The following BRCA1 variants were observed in gnomAD, a reference collection of about 807,000 sequenced individuals.
The protein encoded by BRCA1 is breast cancer type 1 susceptibility protein.
BRCA1 carries 140 observed loss-of-function variants against 173.7 expected under a neutral mutation model. The observed-to-expected ratio is 0.81, with a 90% CI of 0.70 to 0.93. The LOEUF (loss-of-function observed/expected upper bound fraction) is 0.93, where lower values mean the gene tolerates loss of function less well. Ranked by LOEUF, BRCA1 falls within the 40% of genes least tolerant of loss-of-function variation. BRCA1 has a pLI of 0.00. For missense variants in BRCA1, 1,983 were observed against 2,172.5 expected (o/e 0.91, Z 1.73); for synonymous variants, 662 against 756.0 (o/e 0.88, Z 2.04).
chr17:43,106,665 T>A (rs201546026), intron 3 of BRCA1, 132 bp from the exon 4 acceptor site: 8 of 675,230 alleles, frequency 1.2e-5, no homozygotes, highest in Admixed American at 8.4e-5. Context: ...TAATGGCAGG[T>A]GAATTACAAG....
In BRCA1 at chr17:43,068,206, A is replaced by G. The variant is rs8176231; in HGVS notation, c.4987-511T>C. Among the ~76,000 whole-genome samples, 47,831 of 151,012 alleles carry G rather than the reference A, an allele frequency of 0.32. 7,915 individuals carry two copies. Among genetic ancestry groups the G allele is most frequent in the South Asian group, 0.49 (2,329 of 4,766 alleles). ...GCAGGAGAATGGCGTGAACCCAGGA[A>G]GCAGAGCTTGCAGTAAGCCGAGATG... is the stretch of plus-strand genomic sequence containing the variant. On this transcript the variant is annotated intron_variant, in intron 15 of 22. Coordinates refer to ENST00000357654, the MANE Select transcript of BRCA1 (RefSeq NM_007294.4).
At chr17:43,104,727 TA>T in intron 5 of BRCA1, 140 bp downstream of exon 5, 1 of 755,140 alleles carries the variant, frequency 1.3e-6, no homozygotes, top group South Asian at 1.5e-5. Context: ...AGTAATTTTT[TA>T]AAAATAGATT....
Position 43,092,890 on chromosome 17 carries a change from C to G in BRCA1, c.2641G>C (p.Glu881Gln). The G allele has an allele frequency of 6.2e-7, 1 of 1,613,904 alleles. No homozygotes were observed. Among genetic ancestry groups the G allele is most frequent in the South Asian group, 1.1e-5 (1 of 91,080 alleles). ...GAGTGGGCAGAGAATGTTGCACATTCCTCTTCTGCATTTCCTGGATTTGAA... is the reference window on the plus strand; with the variant it reads ...GAGTGGGCAGAGAATGTTGCACATTGCTCTTCTGCATTTCCTGGATTTGAA... Reference protein sequence around the residue: ...PFSNPGNAEEECATFSAHSGS... With the variant: ...PFSNPGNAEEQCATFSAHSGS... The change falls in exon 10 of 23, where the codon GAA becomes CAA. Residue 881 changes from glutamate to glutamine, a missense_variant. By Grantham distance (29) the Glu-to-Gln change is conservative. Transcript: ENST00000357654.
chr17:43,148,325 G>T (rs1321333648), intron 1 of BRCA1: 3 of 167,158 alleles, frequency 1.8e-5, no homozygotes, highest in African/African-American at 4.8e-5. Context: ...TATTTACCTT[G>T]AGTGTTATGC....
At chr17:43,159,053 T>C (rs1180832678) in intron 1 of BRCA1, among the ~76,000 whole-genome samples, 1 of 152,076 alleles carries the variant, frequency 6.6e-6, no homozygotes. Flanking sequence ...GTGGCCAACA[T>C]GGCAAAACCC....
At chr17:43,049,961 C>G in intron 20 of BRCA1, 1 of 397,880 alleles carries the variant, frequency 2.5e-6, no homozygotes. Context: ...CTGGTTTCCA[C>G]TATACCAAAG....
chr17:43,048,038 C>T (rs1450303347), intron 21 of BRCA1, among the ~76,000 whole-genome samples: 2 of 152,108 alleles, frequency 1.3e-5, no homozygotes, highest in Non-Finnish European at 1.5e-5. Context: ...AGGCATGAGC[C>T]ACCGCACCCA....
chr17:43,076,405 T>A (rs1315066308), intron 13 of BRCA1, 83 bp downstream of exon 13: 2 of 1,540,600 alleles, frequency 1.3e-6, no homozygotes, highest in Non-Finnish European at 1.8e-6. Context: ...CTGGAGAAAG[T>A]ATGGTGAAAA....
chr17:43,125,126 G>T (rs2154579730), intron 1 of BRCA1, 145 bp downstream of exon 1: 1 of 415,540 alleles, frequency 2.4e-6, no homozygotes, highest in Non-Finnish European at 4.8e-6. Context: ...CCCTCCCCAG[G>T]GTTCACAACG....
intron 3 of BRCA1, among the ~76,000 whole-genome samples, chr17:43,111,862 A>AT (rs946995440): frequency 1.3e-5 from 2 of 152,086 alleles, no homozygotes; most frequent in Non-Finnish European, 2.9e-5. Context: ...ACAAACAAAA[A>AT]TAAAAAAAAG....
intron 20 of BRCA1, 43 bp from the exon 21 acceptor site, chr17:43,049,237 A>G (rs1405607243): frequency 3.2e-6 from 5 of 1,577,446 alleles, no homozygotes. Context: ...AGTAATCTGC[A>G]TACTTAACCC....
At chr17:43,073,963 G>A (rs1369661184) in intron 14 of BRCA1, among the ~76,000 whole-genome samples, 1 of 151,944 alleles carries the variant, frequency 6.6e-6, no homozygotes, top group Non-Finnish European at 1.5e-5. Context: ...CACCATGTTG[G>A]CCAGACAGGT....
chr17:43,168,016 T>C (rs1240025306), intron 1 of BRCA1, among the ~76,000 whole-genome samples: 1 of 152,176 alleles, frequency 6.6e-6, no homozygotes, highest in African/African-American at 2.4e-5. Context: ...TTCTATACTT[T>C]TAAAGTTCTT....
At chr17:43,057,275 T>A in intron 18 of BRCA1, 140 bp from the exon 19 acceptor site, 1 of 784,918 alleles carries the variant, frequency 1.3e-6, no homozygotes, top group Non-Finnish European at 2.3e-6. Flanking sequence ...TTTGGGAGAC[T>A]GAGGCAGGCA....
rs1555575074 is a variant in BRCA1 at position 43,049,115 on chromosome 17, A to T, written c.5406+6T>A. 6.2e-7 allele frequency: 1 copy of T among 1,613,290 alleles called. No homozygotes were observed. The highest frequency in any genetic ancestry group is 8.5e-7 in the Non-Finnish European group (1 of 1,179,258). On this transcript the variant is annotated splice_donor_region_variant and intron_variant, in intron 21 of 22. Transcript: ENST00000357654. ...CTCCCTCTCTGACAGGGCACCCAAT[A>T]CTTACTGTGCCAAGGGTGAATGATG...
At chr17:43,068,307 A>G (rs369225701) in intron 15 of BRCA1, among the ~76,000 whole-genome samples, 1 of 152,030 alleles carries the variant, frequency 6.6e-6, no homozygotes. Context: ...TGAAGTCTCA[A>G]ATAAATAGTT....
At chr17:43,144,864 G>A in intron 1 of BRCA1, 1 of 516,198 alleles carries the variant, frequency 1.9e-6, no homozygotes, top group South Asian at 1.6e-5. Flanking sequence ...GGTGGCGGGA[G>A]GAGTGGCAGC....
In BRCA1 at chr17:43,099,768, C is replaced by G. The variant is rs772583635; in HGVS notation, c.547+7G>C. 1 of 1,594,136 alleles carries G rather than the reference C, an allele frequency of 6.3e-7. No individual in the cohort carries two copies. The highest frequency in any genetic ancestry group is 1.1e-5 in the South Asian group (1 of 90,640). On this transcript the variant is annotated splice_region_variant and intron_variant, in intron 7 of 22. Coordinates refer to ENST00000357654, the MANE Select transcript of BRCA1 (RefSeq NM_007294.4). Reference sequence around the variant, plus strand: ...TATTAAATACTTAAAAAACCTGAGACCCTTACCCAATTCAATGTAGACAGA... The same window carrying G: ...TATTAAATACTTAAAAAACCTGAGAGCCTTACCCAATTCAATGTAGACAGA...
intron 7 of BRCA1, among the ~76,000 whole-genome samples, chr17:43,099,037 G>A (rs2054256591): frequency 6.7e-6 from 1 of 149,286 alleles, no homozygotes; most frequent in Non-Finnish European, 1.5e-5. Flanking sequence ...TGGTCAGGCT[G>A]GTCTTGAACT....
Sources: allele counts gnomAD v4.1 joint callset (sites outside exome capture counted in the v4.1 genomes callset), GRCh38; gene constraint gnomAD v4.1.1; transcripts MANE v1.5; gene names NCBI Gene and HGNC (gene_info 2026-07-23, HGNC 2026-07-21).